Variants in BICRA observed in about 807,000 individuals in gnomAD.
BICRA encodes the protein BRD4-interacting chromatin-remodeling complex-associated protein.
In BICRA, 31 loss-of-function variants were observed where a neutral mutation model predicts 96.9. The observed-to-expected ratio is 0.32, with a 90% CI of 0.24 to 0.43. The LOEUF is 0.43. Ranked by LOEUF, BICRA falls within the 20% of genes least tolerant of loss-of-function variation. The pLI is 1.00. For synonymous variants in BICRA, 1,350 were observed against 1,071.8 expected (o/e 1.26, Z -5.07); for missense variants, 2,283 against 2,190.3 (o/e 1.04, Z -0.84).
intron 7 of BICRA, among the ~76,000 whole-genome samples, chr19:47,688,947 C>T (rs1973199787): frequency 6.6e-6 from 1 of 152,060 alleles, no homozygotes; most frequent in African/African-American, 2.4e-5. Context: ...CTGCCTCAGC[C>T]TCCCAAGTAA....
At chr19:47,618,405 A>T (rs1229793247) in intron 1 of BICRA, among the ~76,000 whole-genome samples, 2 of 152,106 alleles carry the variant, frequency 1.3e-5, no homozygotes, top group Non-Finnish European at 2.9e-5. Flanking sequence ...GGATGACCTT[A>T]TTGTTAAATA....
chr19:47,690,656 C>T (rs1199775134), intron 7 of BICRA, among the ~76,000 whole-genome samples: 1 of 152,036 alleles, frequency 6.6e-6, no homozygotes, highest in Non-Finnish European at 1.5e-5. Context: ...CTGATCATAT[C>T]CTTTGCCCCT....
intron 1 of BICRA, among the ~76,000 whole-genome samples, chr19:47,635,666 C>A (rs2123528454): frequency 6.6e-6 from 1 of 152,100 alleles, no homozygotes; most frequent in African/African-American, 2.4e-5. Flanking sequence ...TCATTGAATT[C>A]CCTACTCTAG....
chr19:47,695,570 G>A (rs574339104), intron 10 of BICRA, 96 bp downstream of exon 10: 47 of 670,436 alleles, frequency 7.0e-5, no homozygotes, highest in Middle Eastern at 2.5e-4. Flanking sequence ...TGGAAGACGC[G>A]GACAGGATGA....
rs530987701 is a variant in BICRA at position 47,694,585 on chromosome 19, G to A, written c.2754G>A (p.Lys918=). 6 of 1,584,088 alleles carry A rather than the reference G, an allele frequency of 3.8e-6. No individual in the cohort carries two copies. The highest frequency in any genetic ancestry group is 5.2e-6 in the Non-Finnish European group (6 of 1,158,596). ...TCCCACCCAGCCAGGGGCCCCACAAGTCCCCCACTCCCCCTCCAACCCTCC... is the reference window on the plus strand; with the variant it reads ...TCCCACCCAGCCAGGGGCCCCACAAATCCCCCACTCCCCCTCCAACCCTCC... ...LQFPPSQGPH[K]SPTPPPTLHL... The change falls in exon 8 of 15, where the codon AAG becomes AAA. Residue 918 remains lysine, a synonymous_variant. Coordinates refer to ENST00000594866, the MANE Select transcript of BICRA (RefSeq NM_001394372.1).
At chr19:47,682,198 C>T (rs963420472) in intron 7 of BICRA, 46 bp downstream of exon 7, 4 of 814,854 alleles carry the variant, frequency 4.9e-6, no homozygotes, top group Non-Finnish European at 7.7e-6. Flanking sequence ...GACCCAGCCT[C>T]GCCCCTCCTG....
chr19:47,681,111 C>A lies in BICRA; in HGVS notation c.1941C>A (p.Pro647=). 2.0e-6 allele frequency: 3 copies of A among 1,471,514 alleles called. No homozygotes were observed. Among genetic ancestry groups the A allele is most frequent in the South Asian group, 1.3e-5 (1 of 78,952 alleles). The allele number at this position is 1,471,514 out of a possible 1,614,324, so 91.2% of individuals were successfully genotyped here. The part of the protein sequence containing the change: ...LGLQQPQAQQ[P]PQAPTPQAAA... ...TCCAGCAGCCGCAGGCGCAGCAGCC[C>A]CCGCAGGCCCCCACCCCACAGGCCG... The change falls in exon 6 of 15, where the codon CCC becomes CCA. Residue 647 remains proline (P), a synonymous_variant. Coordinates refer to ENST00000594866, the MANE Select transcript of BICRA (RefSeq NM_001394372.1).
chr19:47,619,326 C>T (rs1376258332), intron 1 of BICRA, among the ~76,000 whole-genome samples: 2 of 151,036 alleles, frequency 1.3e-5, no homozygotes, highest in Non-Finnish European at 2.9e-5. Context: ...GGCACTATCT[C>T]GGCTCGTTGC....
rs1226349902 is a variant in BICRA, at chr19:47,701,110, G to A, written c.3596-218G>A. ...TTACTTATGTCTGAATGAGCCCCACGTGGCTCGTGGCGCTGTGCCAGGCAC... is the reference window on the plus strand; with the variant it reads ...TTACTTATGTCTGAATGAGCCCCACATGGCTCGTGGCGCTGTGCCAGGCAC... On this transcript the variant is annotated intron_variant, in intron 14 of 14. Coordinates refer to ENST00000594866, the MANE Select transcript of BICRA (RefSeq NM_001394372.1). This position sits in a 1 kb window ranked among gnomAD's most constrained non-coding sequence, Gnocchi z 5.4. 4 of 576,082 alleles carry A rather than the reference G, an allele frequency of 6.9e-6. No homozygotes were observed. The highest frequency in any genetic ancestry group is 3.3e-5 in the Admixed American group (1 of 29,980). 35.7% of individuals were successfully genotyped at this position (576,082 alleles called of 1,614,324 possible). A position where few individuals can be genotyped will look rare whatever the true frequency, so the allele number is the denominator to read the frequency against.
At chr19:47,693,289 C>T (rs541517691) in intron 7 of BICRA, among the ~76,000 whole-genome samples, 62 of 152,242 alleles carry the variant, frequency 4.1e-4, no homozygotes, top group Non-Finnish European at 7.5e-4. Flanking sequence ...TGGCTGTGTG[C>T]GTGTGACAGA....
In BICRA at chr19:47,621,692, ACTC is replaced by A. The variant is rs1229495595; in HGVS notation, c.-108+12527_-108+12529del. 2.7e-5 allele frequency among the ~76,000 whole-genome samples: 4 copies of A among 150,818 alleles called. No homozygotes were observed. In the East Asian group the frequency reaches 7.8e-4, roughly 29 times the overall value. On this transcript the variant is annotated intron_variant, in intron 1 of 14. Coordinates refer to ENST00000594866, the MANE Select transcript of BICRA (RefSeq NM_001394372.1). ...TTTCACCATGTCAGGCTGGTTTTGA[ACTC>A]CTGACCTCAGTTGATCACTGGCGTC...
At chr19:47,610,031 C>T (rs1284185466) in intron 1 of BICRA, among the ~76,000 whole-genome samples, 1 of 152,192 alleles carries the variant, frequency 6.6e-6, no homozygotes, top group Admixed American at 6.5e-5. Flanking sequence ...TCCTACCCCT[C>T]GGCCTGGGAA....
intron 1 of BICRA, among the ~76,000 whole-genome samples, chr19:47,613,169 C>T (rs1037859428): frequency 2.0e-5 from 3 of 151,920 alleles, no homozygotes; most frequent in African/African-American, 7.3e-5. Context: ...GTGGAAGGGC[C>T]AGGGGATCAG....
intron 1 of BICRA, among the ~76,000 whole-genome samples, chr19:47,637,023 A>C (rs1972309537): frequency 1.3e-5 from 2 of 152,064 alleles, no homozygotes; most frequent in Admixed American, 6.6e-5. Flanking sequence ...CCCTGTTTAA[A>C]ATTGCAACTC....
Position 47,691,295 on chromosome 19 carries a change from G to A in BICRA, c.2284-2820G>A, listed in dbSNP as rs751707479. On this transcript the variant is annotated intron_variant, in intron 7 of 14. Transcript: ENST00000594866. ...AGACAGAATGCTCAGGATGGGAGCC[G>A]CAGGCTTTTTATAACTAATCTTGGA... 3.9e-5 allele frequency among the ~76,000 whole-genome samples: 6 copies of A among 152,348 alleles called. No homozygotes were observed. In the South Asian group the frequency reaches 8.3e-4, roughly 21 times the overall value.
rs1568576612 is a variant in BICRA at position 47,694,389 on chromosome 19, C to G, written c.2558C>G (p.Thr853Ser). 8.8e-7 allele frequency: 1 copy of G among 1,136,496 alleles called. No homozygotes were observed. Among genetic ancestry groups the G allele is most frequent in the African/African-American group, 1.6e-5 (1 of 63,940 alleles). The allele number at this position is 1,136,496 out of a possible 1,614,324, so 70.4% of individuals were successfully genotyped here. ...VPPPASNPAP[T>S]APGPPQPPLR... is the part of the protein sequence containing the mutation. ...CCGCCTGCCAGCAACCCGGCCCCTA[C>G]TGCCCCAGGCCCGCCGCAGCCGCCT... Residue 853 changes from threonine to serine, a missense_variant, in exon 8 of 15, where the codon ACT becomes AGT. Coordinates refer to ENST00000594866, the MANE Select transcript of BICRA (RefSeq NM_001394372.1).
At position 47,699,209 on chromosome 19, in the gene BICRA, G is replaced by A. The variant is rs1205941139; in HGVS notation, c.3493-94G>A. The A allele has an allele frequency of 2.3e-6, 2 of 877,824 alleles. No homozygotes were observed. The highest frequency in any genetic ancestry group is 1.7e-5 in the African/African-American group (1 of 60,260). 54.4% of individuals were successfully genotyped at this position (877,824 alleles called of 1,614,324 possible). A position where few individuals can be genotyped will look rare whatever the true frequency, so the allele number is the denominator to read the frequency against. On this transcript the variant is annotated intron_variant, in intron 13 of 14. Transcript: ENST00000594866. This position sits in a 1 kb window ranked among gnomAD's most constrained non-coding sequence, Gnocchi z 5.0. ...GGGAGGCGGGAGCTCCCATCACAAGGACAGTTTGGACCTTGCACGCATCGT... is the reference window on the plus strand; with the variant it reads ...GGGAGGCGGGAGCTCCCATCACAAGAACAGTTTGGACCTTGCACGCATCGT...
chr19:47,687,382 CT>C (rs1167414324), intron 7 of BICRA, among the ~76,000 whole-genome samples: 1 of 152,092 alleles, frequency 6.6e-6, no homozygotes, highest in East Asian at 1.9e-4. Context: ...TAGTTTGCCT[CT>C]TTCTTTTGAT....
chr19:47,698,681 A>G lies in BICRA; in HGVS notation c.3296A>G (p.Asp1099Gly). 2 of 1,578,586 alleles carry G rather than the reference A, an allele frequency of 1.3e-6. No individual in the cohort carries two copies. The highest frequency in any genetic ancestry group is 1.7e-6 in the Non-Finnish European group (2 of 1,150,232). Residue 1099 changes from aspartate (D) to glycine (G), a missense_variant, in exon 12 of 15, where the codon GAC (aspartate) becomes GGC (glycine). Asp to Gly is a moderately conservative substitution (Grantham distance 94). Transcript: ENST00000594866. This position sits in a 1 kb window ranked among gnomAD's most constrained non-coding sequence, Gnocchi z 4.8. ...HKHQGSVLHP[D>G]YKTAFPSFED... ...CACCAGGGCTCCGTCCTGCACCCCG[A>G]CTACAAGACGGCCTTCCCCTCCTTT...
Sources: allele counts gnomAD v4.1 joint callset (sites outside exome capture counted in the v4.1 genomes callset), GRCh38; gene constraint gnomAD v4.1.1; non-coding constraint Gnocchi (gnomAD v3.1); transcripts MANE v1.5; gene names NCBI Gene and HGNC (gene_info 2026-07-23, HGNC 2026-07-21).